EPHA5: variants seen among roughly 807,000 people sequenced by gnomAD.
EPHA5 encodes EPH receptor A5.
A neutral mutation model predicts 105.0 loss-of-function variants in EPHA5; 60 were observed. That is an observed-to-expected ratio of 0.57 (90% confidence interval 0.46 to 0.71). EPHA5 has a LOEUF of 0.71. EPHA5 is among the 30% of genes least tolerant of loss of function. The pLI, the probability that EPHA5 is intolerant of heterozygous loss-of-function variation, is 0.00. For synonymous variants in EPHA5, 513 were observed against 449.1 expected (o/e 1.14, Z -1.80); for missense variants, 1,218 against 1,274.7 (o/e 0.96, Z 0.68).
Position 65,492,988 on chromosome 4 carries a change from G to GTTTT in EPHA5, c.1067-2280_1067-2277dup, listed in dbSNP as rs5858963. On this transcript the variant is annotated intron_variant, in intron 4 of 16. Transcript: ENST00000613740. The stretch of plus-strand genomic sequence containing the variant: ...CAATGTCAAACTTCTGTTTTGTTTT[G>GTTTT]TTTTGTTTTTTAATTTCTGCCAACT... Among the ~76,000 whole-genome samples the GTTTT allele has an allele frequency of 4.7e-3, 695 of 149,008 alleles. 4 individuals are homozygous for GTTTT. The highest frequency in any genetic ancestry group is 0.011 in the African/African-American group (441 of 40,722).
At chr4:65,577,581 AT>A (rs1182082656) in intron 3 of EPHA5, among the ~76,000 whole-genome samples, 1 of 152,144 alleles carries the variant, frequency 6.6e-6, no homozygotes, top group Non-Finnish European at 1.5e-5. Flanking sequence ...TTTAAATCTA[AT>A]TTACTTATTA....
At chr4:65,603,439 T>C (rs188370511) in intron 2 of EPHA5, among the ~76,000 whole-genome samples, 38 of 151,956 alleles carry the variant, frequency 2.5e-4, no homozygotes, top group Non-Finnish European at 1.3e-4. Flanking sequence ...TTTCAAAAAA[T>C]CCAGAATGTG....
chr4:65,470,102 T>A (rs1399523831), intron 5 of EPHA5, among the ~76,000 whole-genome samples: 3 of 152,090 alleles, frequency 2.0e-5, no homozygotes, highest in South Asian at 2.1e-4. Context: ...TTAGTCTTTA[T>A]AATAAAGTTA....
At chr4:65,356,849 C>A (rs1283670885) in intron 11 of EPHA5, among the ~76,000 whole-genome samples, 1 of 151,348 alleles carries the variant, frequency 6.6e-6, no homozygotes, top group Non-Finnish European at 1.5e-5. Context: ...AATGACATAG[C>A]AATAATTAAC....
intron 3 of EPHA5, among the ~76,000 whole-genome samples, chr4:65,572,250 A>G (rs1165447361): frequency 6.6e-6 from 1 of 152,198 alleles, no homozygotes; most frequent in Non-Finnish European, 1.5e-5. Flanking sequence ...AAATTATTAG[A>G]AAGAAAATAA....
At chr4:65,385,871 G>T (rs761358557) in intron 8 of EPHA5, among the ~76,000 whole-genome samples, 3 of 151,846 alleles carry the variant, frequency 2.0e-5, no homozygotes, top group Middle Eastern at 6.8e-3. Context: ...GTATAATACT[G>T]ATAAAAATCA....
intron 7 of EPHA5, among the ~76,000 whole-genome samples, chr4:65,412,988 C>A (rs766002921): frequency 6.6e-6 from 1 of 152,018 alleles, no homozygotes; most frequent in Non-Finnish European, 1.5e-5. Context: ...GTTGGTAGAC[C>A]ACATAAGCAA....
chr4:65,415,350 G>C (rs1358318183), intron 6 of EPHA5, among the ~76,000 whole-genome samples: 1 of 151,942 alleles, frequency 6.6e-6, no homozygotes, highest in African/African-American at 2.4e-5. Flanking sequence ...TAACATATGT[G>C]AAAACAGTTC....
chr4:65,634,395 A>T (rs1467582764), intron 2 of EPHA5, among the ~76,000 whole-genome samples: 1 of 152,096 alleles, frequency 6.6e-6, no homozygotes, highest in Non-Finnish European at 1.5e-5. Context: ...TATATCAAAG[A>T]CTAAATACAA....
chr4:65,407,510 A>T (rs62314464), intron 7 of EPHA5, among the ~76,000 whole-genome samples: 120,914 of 151,316 alleles, frequency 0.8, 48,710 homozygotes, highest in South Asian at 0.92. Flanking sequence ...AGACTGTTAA[A>T]ATGCTAAGAC....
At chr4:65,520,065 G>T (rs774938234) in intron 3 of EPHA5, among the ~76,000 whole-genome samples, 2 of 152,116 alleles carry the variant, frequency 1.3e-5, no homozygotes, top group East Asian at 1.9e-4. Context: ...AGCCTGCATT[G>T]CCAAGACAAT....
At chr4:65,499,269 C>G (rs1038893781) in intron 3 of EPHA5, among the ~76,000 whole-genome samples, 2 of 151,666 alleles carry the variant, frequency 1.3e-5, no homozygotes, top group Admixed American at 6.6e-5. Context: ...TTCTTCATAT[C>G]AAATAAAATT....
At chr4:65,358,410 G>A (rs1723512012) in intron 11 of EPHA5, among the ~76,000 whole-genome samples, 1 of 151,520 alleles carries the variant, frequency 6.6e-6, no homozygotes, top group African/African-American at 2.4e-5. Context: ...TAGACCTATA[G>A]TATGATTTCA....
intron 2 of EPHA5, among the ~76,000 whole-genome samples, chr4:65,624,270 T>C (rs537636506): frequency 5.3e-5 from 8 of 152,320 alleles, no homozygotes; most frequent in African/African-American, 1.7e-4. Flanking sequence ...AAAAATTTTA[T>C]GAATTATTTT....
Position 65,400,652 on chromosome 4 carries a change from A to T in EPHA5, c.1793+3722T>A, listed in dbSNP as rs59498641. On this transcript the variant is annotated intron_variant, in intron 8 of 16. Transcript: ENST00000613740. ...ATTAAAAAGTCTCTATATTTGATTT[A>T]TTTTTCATCCTTGAGCATATTTTAG... Among the ~76,000 whole-genome samples, 786 of 152,162 alleles carry T rather than the reference A, an allele frequency of 5.2e-3. 12 individuals are homozygous for T. Among genetic ancestry groups the T allele is most frequent in the African/African-American group, 0.018 (742 of 41,578 alleles).
At chr4:65,518,668 T>C (rs1734353560) in intron 3 of EPHA5, among the ~76,000 whole-genome samples, 1 of 151,990 alleles carries the variant, frequency 6.6e-6, no homozygotes, top group Admixed American at 6.6e-5. Flanking sequence ...GGACAGGAAA[T>C]GTACCCTTTA....
chr4:65,554,193 A>C (rs1738183881), intron 3 of EPHA5, among the ~76,000 whole-genome samples: 1 of 150,062 alleles, frequency 6.7e-6, no homozygotes, highest in Admixed American at 6.7e-5. Context: ...TGCTAATCTC[A>C]GAGTTCCACA....
intron 3 of EPHA5, among the ~76,000 whole-genome samples, chr4:65,590,821 C>G (rs1295948560): frequency 2.6e-5 from 4 of 152,036 alleles, no homozygotes; most frequent in Non-Finnish European, 5.9e-5. Context: ...CTAATAAGGA[C>G]CTAGGATGTA....
chr4:65,356,172 C>T (rs1194522876), intron 11 of EPHA5, among the ~76,000 whole-genome samples: 1 of 151,416 alleles, frequency 6.6e-6, no homozygotes, highest in Non-Finnish European at 1.5e-5. Context: ...GTTTTCAGGG[C>T]TTTTCCTGCA....
Sources: allele counts gnomAD v4.1 joint callset (sites outside exome capture counted in the v4.1 genomes callset), GRCh38; gene constraint gnomAD v4.1.1; transcripts MANE v1.5; gene names NCBI Gene and HGNC (gene_info 2026-07-23, HGNC 2026-07-21).